Variants in NPAS3 observed in about 807,000 individuals in gnomAD.
The protein encoded by NPAS3 is neuronal PAS domain-containing protein 3.
NPAS3 carries 14 observed loss-of-function variants against 73.1 expected under a neutral mutation model. The ratio of observed to expected loss-of-function variants is 0.19; its 90% CI spans 0.13 to 0.30. The LOEUF (loss-of-function observed/expected upper bound fraction) is 0.30, where lower values mean the gene tolerates loss of function less well. NPAS3 is among the 10% of genes least tolerant of loss of function. NPAS3 has a pLI of 1.00. For synonymous variants in NPAS3, 620 were observed against 541.5 expected, an observed-to-expected ratio of 1.14 and a Z score of -2.01; for missense variants, 1,096 against 1,250.0, an observed-to-expected ratio of 0.88 and a Z score of 1.86.
chr14:33,801,250 T>C (rs2063709654), downstream of NPAS3: 6 of 1,434,296 alleles, frequency 4.2e-6, no homozygotes, highest in Admixed American at 2.8e-5. Flanking sequence ...TTCCACCCCC[T>C]CTTTCTTTCA....
At chr14:33,530,485 G>C (rs1458608931) in intron 4 of NPAS3, among the ~76,000 whole-genome samples, 2 of 152,098 alleles carry the variant, frequency 1.3e-5, no homozygotes, top group African/African-American at 4.8e-5. Context: ...CCACACAAGA[G>C]TTTCCCTGAG....
At chr14:33,279,099 G>C (rs2041470132) in intron 3 of NPAS3, among the ~76,000 whole-genome samples, 1 of 152,092 alleles carries the variant, frequency 6.6e-6, no homozygotes, top group South Asian at 2.1e-4. Flanking sequence ...AGATTTCTGG[G>C]TCCCACCCTC....
intron 2 of NPAS3, among the ~76,000 whole-genome samples, chr14:33,198,482 A>G (rs926580181): frequency 6.6e-6 from 1 of 152,148 alleles, no homozygotes; most frequent in Non-Finnish European, 1.5e-5. Context: ...AAAGTTCTCC[A>G]AGTCCTCACC....
chr14:33,258,132 C>T (rs1232183546), intron 3 of NPAS3, among the ~76,000 whole-genome samples: 1 of 152,180 alleles, frequency 6.6e-6, no homozygotes, highest in African/African-American at 2.4e-5. Flanking sequence ...CAGTGGCTCA[C>T]ACCTTTGTAA....
chr14:33,774,343 C>G, exon 8 of NPAS3: 1 of 1,613,324 alleles, frequency 6.2e-7, no homozygotes, highest in Non-Finnish European at 8.5e-7. Context: ...ACAGGTGATT[C>G]ACATAACAGG....
chr14:33,446,390 T>A (rs1018466444), intron 4 of NPAS3, among the ~76,000 whole-genome samples: 2 of 151,682 alleles, frequency 1.3e-5, no homozygotes, highest in African/African-American at 2.4e-5. Flanking sequence ...TTAGCCAGGA[T>A]GGTCTCGATC....
At chr14:33,018,384 G>A (rs558000427) in intron 1 of NPAS3, among the ~76,000 whole-genome samples, 22 of 152,256 alleles carry the variant, frequency 1.4e-4, no homozygotes, top group Non-Finnish European at 2.8e-4. Context: ...AAAGTGGGAT[G>A]GTCTTTTCAG....
intron 4 of NPAS3, among the ~76,000 whole-genome samples, chr14:33,505,898 C>A (rs1002644791): frequency 7.2e-5 from 11 of 151,956 alleles, no homozygotes; most frequent in African/African-American, 2.7e-4. Context: ...GGCTCACTGA[C>A]CTTGTTGGAA....
At chr14:33,276,763 G>C (rs1176014081) in intron 3 of NPAS3, among the ~76,000 whole-genome samples, 1 of 151,996 alleles carries the variant, frequency 6.6e-6, no homozygotes, top group African/African-American at 2.4e-5. Flanking sequence ...TAGAAATTAT[G>C]ATTATTTTCT....
intron 1 of NPAS3, among the ~76,000 whole-genome samples, chr14:33,034,233 A>G (rs2040089325): frequency 6.6e-6 from 1 of 152,036 alleles, no homozygotes; most frequent in Non-Finnish European, 1.5e-5. Flanking sequence ...CTAAATTACA[A>G]TATGTTTCTA....
intron 2 of NPAS3, among the ~76,000 whole-genome samples, chr14:33,186,365 C>A (rs367779535): frequency 3.3e-5 from 5 of 152,226 alleles, no homozygotes; most frequent in East Asian, 1.9e-4. Flanking sequence ...GTCTGGTCAC[C>A]AACAGTGAAA....
rs535053006 is a variant in NPAS3 at position 33,176,460 on chromosome 14, G to C, written c.141-38722G>C. On this transcript the variant is annotated intron_variant, in intron 2 of 11. Coordinates refer to ENST00000356141, the Ensembl canonical transcript of NPAS3. ...CCTGTTCTAGTTATTTCACATAAGT[G>C]GGCTCATAAAATATTTGTCCTTTTG... is the stretch of plus-strand genomic sequence containing the variant. Among the ~76,000 whole-genome samples, 66 of 152,182 alleles carry C rather than the reference G, an allele frequency of 4.3e-4. 1 individual carries two copies. Among genetic ancestry groups the C allele is most frequent in the African/African-American group, 1.5e-3 (61 of 41,506 alleles).
chr14:33,598,611 AT>A (rs1567041955), intron 5 of NPAS3, among the ~76,000 whole-genome samples: 1 of 152,214 alleles, frequency 6.6e-6, no homozygotes, highest in Non-Finnish European at 1.5e-5. Context: ...GCTACTACTT[AT>A]TTTTAAAACT....
chr14:33,010,647 T>G (rs2039155549), intron 1 of NPAS3, among the ~76,000 whole-genome samples: 1 of 152,136 alleles, frequency 6.6e-6, no homozygotes, highest in Admixed American at 6.6e-5. Flanking sequence ...CTGCAGACTC[T>G]TCTAATATTA....
intron 5 of NPAS3, among the ~76,000 whole-genome samples, chr14:33,666,127 A>G (rs949756432): frequency 6.6e-6 from 1 of 152,194 alleles, no homozygotes; most frequent in Non-Finnish European, 1.5e-5. Context: ...CGGTTAATGA[A>G]CGCTGGCATG....
chr14:33,525,621 TTACTC>T (rs2053763320), intron 4 of NPAS3, among the ~76,000 whole-genome samples: 1 of 152,128 alleles, frequency 6.6e-6, no homozygotes, highest in Non-Finnish European at 1.5e-5. Context: ...CTGAAAGAAT[TTACTC>T]TATCATATTT....
intron 7 of NPAS3, among the ~76,000 whole-genome samples, chr14:33,763,748 C>T (rs1207136292): frequency 6.6e-6 from 1 of 152,062 alleles, no homozygotes; most frequent in Non-Finnish European, 1.5e-5. Flanking sequence ...TCTTTTATTA[C>T]TTTAAGAGTT....
chr14:33,627,926 C>T (rs1260946948), intron 5 of NPAS3, among the ~76,000 whole-genome samples: 1 of 152,170 alleles, frequency 6.6e-6, no homozygotes, highest in Admixed American at 6.5e-5. Context: ...AATCTCTTAT[C>T]AGCAGTGTAT....
chr14:33,505,036 G>C (rs1327905120), intron 4 of NPAS3, among the ~76,000 whole-genome samples: 1 of 151,982 alleles, frequency 6.6e-6, no homozygotes, highest in African/African-American at 2.4e-5. Flanking sequence ...ACAAATATTT[G>C]CTTCAGTACT....
Sources: allele counts gnomAD v4.1 joint callset (sites outside exome capture counted in the v4.1 genomes callset), GRCh38; gene constraint gnomAD v4.1.1; transcripts MANE v1.5; gene names NCBI Gene and HGNC (gene_info 2026-07-23, HGNC 2026-07-21).